IGF2BP2: variants seen among roughly 807,000 people sequenced by gnomAD.
The protein encoded by IGF2BP2 is insulin-like growth factor 2 mRNA-binding protein 2.
A neutral mutation model predicts 75.8 loss-of-function variants in IGF2BP2; 17 were observed. The observed-to-expected ratio is 0.22, with a 90% CI of 0.15 to 0.34. The LOEUF is 0.34. IGF2BP2 is among the 10% of genes least tolerant of loss of function. IGF2BP2 has a pLI of 1.00. For synonymous variants in IGF2BP2, 288 were observed against 295.6 expected (o/e 0.97, Z 0.26); for missense variants, 516 against 772.4 (o/e 0.67, Z 3.93).
At chr3:185,703,673 C>T (rs1199307405) in intron 2 of IGF2BP2, among the ~76,000 whole-genome samples, 1 of 152,052 alleles carries the variant, frequency 6.6e-6, no homozygotes, top group Non-Finnish European at 1.5e-5. Context: ...ACTCAGGAGG[C>T]TGAAGCAGGA....
chr3:185,739,816 T>C (rs967951271), intron 2 of IGF2BP2, among the ~76,000 whole-genome samples: 2 of 151,970 alleles, frequency 1.3e-5, no homozygotes, highest in Non-Finnish European at 2.9e-5. Flanking sequence ...AAAATAAATA[T>C]ACCATCAAAT....
At chr3:185,675,456 A>G (rs1719186054) in intron 8 of IGF2BP2, 25 bp from the exon 9 acceptor site, 1 of 1,587,546 alleles carries the variant, frequency 6.3e-7, no homozygotes, top group African/African-American at 1.4e-5. Context: ...GAAAAGAGAA[A>G]TTTTGTTTTC....
chr3:185,715,767 C>T (rs2149439751), intron 2 of IGF2BP2, among the ~76,000 whole-genome samples: 1 of 152,242 alleles, frequency 6.6e-6, no homozygotes, highest in South Asian at 2.1e-4. Context: ...CCTTAACCTC[C>T]CAAGTAGCTG....
intron 2 of IGF2BP2, among the ~76,000 whole-genome samples, chr3:185,731,246 C>CTT (rs760172663): frequency 0.029 from 3,703 of 129,210 alleles, 172 homozygotes; most frequent in South Asian, 0.22. Flanking sequence ...GCATCACTTT[C>CTT]TTTTTTTTTT....
Position 185,823,157 on chromosome 3 carries a change from G to T in IGF2BP2, c.235C>A (p.Leu79Ile). 1 of 1,600,712 alleles carries T rather than the reference G, an allele frequency of 6.2e-7. No homozygotes were observed. Among genetic ancestry groups the T allele is most frequent in the Non-Finnish European group, 8.5e-7 (1 of 1,173,320 alleles). Residue 79 changes from leucine to isoleucine, a missense_variant, in exon 2 of 16, where the codon CTA becomes ATA. By Grantham distance (5) the Leu-to-Ile change is conservative (BLOSUM62 2). Transcript: ENST00000382199. ...AACTAAGCAAAGTATATTTACCTTA[G>T]CTTTTTAGAGACTGAGTAATCAACT... is the stretch of plus-strand genomic sequence containing the variant. Reference protein sequence around the residue: ...MEVDYSVSKKLRSRKIQIRNI... With the variant: ...MEVDYSVSKKIRSRKIQIRNI...
chr3:185,672,851 G>A (rs1718742062), intron 9 of IGF2BP2, among the ~76,000 whole-genome samples, 182 bp from the exon 10 acceptor site: 1 of 152,114 alleles, frequency 6.6e-6, no homozygotes, highest in South Asian at 2.1e-4. Flanking sequence ...GTTCCTTCAA[G>A]GCTTCTCTGC....
chr3:185,694,740 T>C (rs1560308023), intron 4 of IGF2BP2, among the ~76,000 whole-genome samples: 1 of 152,190 alleles, frequency 6.6e-6, no homozygotes, highest in Non-Finnish European at 1.5e-5. Flanking sequence ...CTAGTAACTT[T>C]TACAGGTTCA....
rs896830272 is a variant in IGF2BP2 at position 185,643,328 on chromosome 3, C to A, written c.*2203G>T. Among the ~76,000 whole-genome samples the A allele has an allele frequency of 1.3e-5, 2 of 152,176 alleles. No homozygotes were observed. The highest frequency in any genetic ancestry group is 4.1e-4 in the South Asian group (2 of 4,822). ...AAGCAGCTTTGCCTGGCCAGGCTTG[C>A]AGTTCCTTAAGGATAGACTGGTCTT... On this transcript the variant is annotated 3_prime_UTR_variant, in exon 16 of 16. Transcript: ENST00000382199.
chr3:185,659,321 G>GA (rs1716019879), intron 10 of IGF2BP2, among the ~76,000 whole-genome samples: 2 of 152,150 alleles, frequency 1.3e-5, no homozygotes, highest in South Asian at 2.1e-4. Context: ...GATATGGACA[G>GA]AAAAAAAGTA....
At chr3:185,750,066 T>G (rs975156724) in intron 2 of IGF2BP2, among the ~76,000 whole-genome samples, 1 of 152,186 alleles carries the variant, frequency 6.6e-6, no homozygotes, top group African/African-American at 2.4e-5. Context: ...ACAAGCAAGT[T>G]GCAGGAACCA....
In IGF2BP2 at chr3:185,796,933, G is replaced by A. The variant is rs547994632; in HGVS notation, c.239+26220C>T. On this transcript the variant is annotated intron_variant, in intron 2 of 15. Transcript: ENST00000382199. ...ATCAAGATTCCTGACAATGCATTCT[G>A]AGTCAAAATGCACATCAGATTCCAG... Among the ~76,000 whole-genome samples, 17 of 152,254 alleles carry A rather than the reference G, an allele frequency of 1.1e-4. No individual in the cohort carries two copies. The South Asian group carries it at 3.5e-3, about 32-fold the overall frequency.
intron 2 of IGF2BP2, among the ~76,000 whole-genome samples, chr3:185,808,725 A>ATTT (rs71164545): frequency 0.31 from 43,387 of 140,792 alleles, 7,392 homozygotes; most frequent in African/African-American, 0.49. Context: ...ACACCTGGCT[A>ATTT]TTTTTTTTTT....
intron 13 of IGF2BP2, among the ~76,000 whole-genome samples, chr3:185,650,969 CATG>C (rs1454020255): frequency 1.3e-5 from 2 of 152,190 alleles, no homozygotes; most frequent in Non-Finnish European, 2.9e-5. Flanking sequence ...AGTGCAGTGG[CATG>C]ATCACAGCTC....
At chr3:185,821,734 G>T (rs1741405834) in intron 2 of IGF2BP2, among the ~76,000 whole-genome samples, 1 of 151,914 alleles carries the variant, frequency 6.6e-6, no homozygotes, top group African/African-American at 2.4e-5. Flanking sequence ...TCAAATACTT[G>T]GGGTAGTTAT....
At chr3:185,731,540 G>A (rs1450940778) in intron 2 of IGF2BP2, among the ~76,000 whole-genome samples, 4 of 152,006 alleles carry the variant, frequency 2.6e-5, no homozygotes, top group African/African-American at 4.8e-5. Flanking sequence ...GGCGTGAGCC[G>A]CTGCACCAGG....
chr3:185,649,334 A>AG, intron 14 of IGF2BP2, 69 bp downstream of exon 14: 6 of 1,584,740 alleles, frequency 3.8e-6, no homozygotes, highest in Non-Finnish European at 5.2e-6. Context: ...GGGGAGACTG[A>AG]GGGAACTCAG....
chr3:185,719,589 T>C (rs1726184865), intron 2 of IGF2BP2, among the ~76,000 whole-genome samples: 1 of 152,126 alleles, frequency 6.6e-6, no homozygotes, highest in Non-Finnish European at 1.5e-5. Flanking sequence ...ATCCCAGCAC[T>C]TTGGGAGGCC....
At chr3:185,726,947 G>A (rs189237798) in intron 2 of IGF2BP2, among the ~76,000 whole-genome samples, 11 of 152,288 alleles carry the variant, frequency 7.2e-5, no homozygotes, top group East Asian at 1.9e-4. Context: ...GGCCGAGCAC[G>A]GTGGCTCACG....
chr3:185,761,805 CTGCA>C (rs1247585609), intron 2 of IGF2BP2, among the ~76,000 whole-genome samples: 1 of 152,214 alleles, frequency 6.6e-6, no homozygotes, highest in Non-Finnish European at 1.5e-5. Flanking sequence ...TTAAACACCA[CTGCA>C]TAACAACATG....
Sources: allele counts gnomAD v4.1 joint callset (sites outside exome capture counted in the v4.1 genomes callset), GRCh38; gene constraint gnomAD v4.1.1; transcripts MANE v1.5; gene names NCBI Gene and HGNC (gene_info 2026-07-23, HGNC 2026-07-21).